Variants in COL5A1 observed in about 807,000 individuals in gnomAD.
COL5A1 encodes collagen alpha-1(V) chain.
COL5A1 carries 16 observed loss-of-function variants against 263.7 expected under a neutral mutation model. That is an observed-to-expected ratio of 0.06 (90% CI 0.04 to 0.09). The LOEUF (loss-of-function observed/expected upper bound fraction) is 0.09, where lower values mean the gene tolerates loss of function less well. Among genes scored for constraint, COL5A1 ranks in the 10% least tolerant of loss-of-function variants. The pLI is 1.00. For synonymous variants in COL5A1, 1,012 were observed against 1,004.5 expected (o/e 1.01, Z -0.14); for missense variants, 2,036 against 2,540.5 (o/e 0.80, Z 4.27).
chr9:134,645,294 C>T (rs1831440608), intron 1 of COL5A1, among the ~76,000 whole-genome samples: 1 of 152,244 alleles, frequency 6.6e-6, no homozygotes, highest in Non-Finnish European at 1.5e-5. Flanking sequence ...CTGGTGCTGC[C>T]CGTCCCGCCC....
chr9:134,808,329 C>T (rs951160394), intron 42 of COL5A1, among the ~76,000 whole-genome samples: 3 of 152,110 alleles, frequency 2.0e-5, no homozygotes, highest in African/African-American at 7.2e-5. Flanking sequence ...CAGAGTGATG[C>T]GATGGCTGGT....
chr9:134,654,134 GGGGGTGT>G (rs1831803521), intron 1 of COL5A1, among the ~76,000 whole-genome samples: 1 of 139,504 alleles, frequency 7.2e-6, no homozygotes, highest in Non-Finnish European at 1.5e-5. Context: ...GTGTAGTGCT[GGGGGTGT>G]GTAGGGCTGG....
intron 30 of COL5A1, among the ~76,000 whole-genome samples, chr9:134,785,735 A>C (rs1042268901): frequency 6.6e-6 from 1 of 152,328 alleles, no homozygotes. Context: ...TTTGCTCCAC[A>C]GTGGCAAGAC....
intron 53 of COL5A1, 130 bp downstream of exon 53, chr9:134,817,209 T>G: frequency 2.5e-6 from 2 of 792,964 alleles, no homozygotes; most frequent in South Asian, 3.0e-5. Context: ...GGGTGTGGCA[T>G]GTTCTCCACT....
rs539323605 is a variant in COL5A1, at chr9:134,692,480, C to T, written c.277+1401C>T. ...ATTGCACCCTTTTCTGCCCCATGAC[C>T]CCCGGTTTAGAATTCGTGACCTAGA... On this transcript the variant is annotated intron_variant, in intron 2 of 65. Coordinates refer to ENST00000371817, the MANE Select transcript of COL5A1 (RefSeq NM_000093.5). 1.2e-4 allele frequency among the ~76,000 whole-genome samples: 19 copies of T among 152,256 alleles called. No homozygotes were observed. In the East Asian group the frequency reaches 3.3e-3, roughly 26 times the overall value.
At chr9:134,825,045 G>C (rs1029842564) in intron 62 of COL5A1, among the ~76,000 whole-genome samples, 190 bp downstream of exon 62, 2 of 152,266 alleles carry the variant, frequency 1.3e-5, no homozygotes, top group Non-Finnish European at 2.9e-5. Context: ...ATCTCAGGGT[G>C]AGGCCGGGTG....
intron 1 of COL5A1, among the ~76,000 whole-genome samples, chr9:134,644,124 C>T (rs953973283): frequency 2.0e-5 from 3 of 151,880 alleles, no homozygotes; most frequent in Non-Finnish European, 2.9e-5. Flanking sequence ...TCTCCACCTC[C>T]CAGGGTGGGA....
At position 134,642,052 on chromosome 9, in the gene COL5A1, G is replaced by C; in HGVS notation, c.-136G>C. 1.4e-6 allele frequency: 1 copy of C among 710,524 alleles called. No homozygotes were observed. The allele number at this position is 710,524 out of a possible 1,614,324, so 44.0% of individuals were successfully genotyped here. ...AGCCGCCGCCACAAAGAAGAACGGGGGGTGCCGAGGTCCCCATGACCTCCT... is the reference window on the plus strand; with the variant it reads ...AGCCGCCGCCACAAAGAAGAACGGGCGGTGCCGAGGTCCCCATGACCTCCT... On this transcript the variant is annotated 5_prime_UTR_variant, in exon 1 of 66. Transcript: ENST00000371817. The surrounding 1 kb of genome is among the most constrained non-coding windows in gnomAD (Gnocchi z 4.5).
At position 134,811,530 on chromosome 9, in the gene COL5A1, C is replaced by T; in HGVS notation, c.3621C>T (p.Gly1207=). ...AGCCGGGGCCTCGGGGCCAGCAGGG[C>T]CTTTTCGGGCAGAAAGGTGATGAAG... is the stretch of plus-strand genomic sequence containing the variant. ...DGEPGPRGQQ[G]LFGQKGDEGP... Residue 1207 remains glycine (G), a synonymous_variant, in exon 46 of 66, where the codon GGC becomes GGT. Coordinates refer to ENST00000371817, the MANE Select transcript of COL5A1 (RefSeq NM_000093.5). 4 of 1,600,562 alleles carry T rather than the reference C, an allele frequency of 2.5e-6. No individual in the cohort carries two copies. The highest frequency in any genetic ancestry group is 1.1e-5 in the South Asian group (1 of 89,876).
intron 37 of COL5A1, among the ~76,000 whole-genome samples, chr9:134,801,362 G>A (rs527947065): frequency 8.0e-4 from 122 of 152,218 alleles, no homozygotes; most frequent in Non-Finnish European, 1.1e-3. Context: ...AGGTAGTCGC[G>A]GGTCCAGAAA....
chr9:134,728,457 CT>C (rs377190261), intron 5 of COL5A1, among the ~76,000 whole-genome samples: 24 of 152,358 alleles, frequency 1.6e-4, no homozygotes, highest in African/African-American at 5.5e-4. Flanking sequence ...GGTGTTCCCC[CT>C]GCTTTCTCTC....
chr9:134,760,810 AC>A (rs1159655954), intron 18 of COL5A1, among the ~76,000 whole-genome samples: 6 of 139,712 alleles, frequency 4.3e-5, no homozygotes, highest in South Asian at 4.8e-4. Flanking sequence ...ACCCTGACAC[AC>A]CCCCACATGC....
At position 134,647,926 on chromosome 9, in the gene COL5A1, G is replaced by A. The variant is rs898243320; in HGVS notation, c.109+5630G>A. Among the ~76,000 whole-genome samples the A allele has an allele frequency of 6.6e-6, 1 of 152,180 alleles. No homozygotes were observed. The highest frequency in any genetic ancestry group is 1.5e-5 in the Non-Finnish European group (1 of 68,038). On this transcript the variant is annotated intron_variant, in intron 1 of 65. Coordinates refer to ENST00000371817, the MANE Select transcript of COL5A1 (RefSeq NM_000093.5). The surrounding 1 kb of genome is among the most constrained non-coding windows in gnomAD (Gnocchi z 5.0). ...CGGCCCTTGTGGTGGTTACTACTGA[G>A]TGTCAATTTGATTGGATTGAAGGAT... is the stretch of plus-strand genomic sequence containing the variant.
In COL5A1 at chr9:134,839,303, A is replaced by AC. The variant is rs564800702; in HGVS notation, c.5371-2850dup. On this transcript the variant is annotated intron_variant, in intron 65 of 65. Transcript: ENST00000371817. ...GTTCTGGCCTGTAATGGTTATTTATACCCCTGGAATAACGGGGTAACAGAG... is the reference window on the plus strand; with the variant it reads ...GTTCTGGCCTGTAATGGTTATTTATACCCCCTGGAATAACGGGGTAACAGAG... Among the ~76,000 whole-genome samples, 168 of 152,230 alleles carry AC rather than the reference A, an allele frequency of 1.1e-3. 1 individual carries two copies. In the East Asian group the frequency reaches 0.029, roughly 26 times the overall value.
At chr9:134,643,866 G>A (rs1398768378) in intron 1 of COL5A1, among the ~76,000 whole-genome samples, 2 of 152,154 alleles carry the variant, frequency 1.3e-5, no homozygotes, top group Admixed American at 1.3e-4. Context: ...GCTGGGGCAG[G>A]GCACTGCCTG....
rs370009851 is a variant in COL5A1 at position 134,824,608 on chromosome 9, G to T, written c.4707G>T (p.Pro1569=). 2 of 1,613,920 alleles carry T rather than the reference G, an allele frequency of 1.2e-6. No homozygotes were observed. Among genetic ancestry groups the T allele is most frequent in the Non-Finnish European group, 8.5e-7 (1 of 1,180,018 alleles). Residue 1569 remains proline, a synonymous_variant, in exon 62 of 66, where the codon CCG becomes CCT. Coordinates refer to ENST00000371817, the MANE Select transcript of COL5A1 (RefSeq NM_000093.5). ...CCTGTTCTGTCCCCCAGGGCCCCCCGGGAGAGGTCATCCAGCCCCTGCCAA... is the reference window on the plus strand; with the variant it reads ...CCTGTTCTGTCCCCCAGGGCCCCCCTGGAGAGGTCATCCAGCCCCTGCCAA... ...HPGPPGPPGP[P]GEVIQPLPIQ... is the part of the protein sequence containing the mutation.
At chr9:134,662,735 A>G (rs4842138) in intron 1 of COL5A1, among the ~76,000 whole-genome samples, 123,660 of 152,184 alleles carry the variant, frequency 0.81, 50,944 homozygotes, top group South Asian at 0.89. Context: ...AGGTGGGGAC[A>G]TGGACGGCTG....
At chr9:134,734,134 C>T (rs935173476) in intron 9 of COL5A1, among the ~76,000 whole-genome samples, 1 of 152,012 alleles carries the variant, frequency 6.6e-6, no homozygotes, top group African/African-American at 2.4e-5. Context: ...GTGGGGTGGG[C>T]ACAGGTTTTC....
chr9:134,655,000 C>T (rs1744266957), intron 1 of COL5A1, among the ~76,000 whole-genome samples: 1 of 73,166 alleles, frequency 1.4e-5, no homozygotes, highest in Non-Finnish European at 2.6e-5. Context: ...GTGTGTAGGG[C>T]TGGGGGTGTG....
Sources: allele counts gnomAD v4.1 joint callset (sites outside exome capture counted in the v4.1 genomes callset), GRCh38; gene constraint gnomAD v4.1.1; non-coding constraint Gnocchi (gnomAD v3.1); transcripts MANE v1.5; gene names NCBI Gene and HGNC (gene_info 2026-07-23, HGNC 2026-07-21).